The following PKD2 variants were observed in gnomAD, a reference collection of about 807,000 sequenced individuals.
The protein encoded by PKD2 is polycystin-2.
A neutral mutation model predicts 105.9 loss-of-function variants in PKD2; 48 were observed. That is an observed-to-expected ratio of 0.45 (90% CI 0.36 to 0.58). The LOEUF is 0.58. Among genes scored for constraint, PKD2 ranks in the 20% least tolerant of loss-of-function variants. PKD2 has a pLI of 0.00. For missense variants in PKD2, 1,078 were observed against 1,255.3 expected (o/e 0.86, Z 2.13); for synonymous variants, 464 against 481.1 (o/e 0.96, Z 0.46).
chr4:88,036,384 C>G, intron 3 of PKD2, 31 bp downstream of exon 3: 1 of 1,609,742 alleles, frequency 6.2e-7, no homozygotes, highest in Admixed American at 1.7e-5. Context: ...AAGTACCTCT[C>G]TATCACAGAA....
chr4:88,034,668 C>CAAAA (rs61534136), intron 2 of PKD2, among the ~76,000 whole-genome samples: 4 of 71,880 alleles, frequency 5.6e-5, no homozygotes, highest in African/African-American at 5.7e-5. Flanking sequence ...AACTCCGTCT[C>CAAAA]AAAAAAAAAA....
rs1307960365 is a variant in PKD2, at chr4:88,007,750, G to T, written c.17G>T (p.Arg6Leu). The T allele has an allele frequency of 1.7e-6, 2 of 1,203,906 alleles. No homozygotes were observed. Among genetic ancestry groups the T allele is most frequent in the South Asian group, 2.2e-5 (1 of 45,504 alleles). 74.6% of individuals were successfully genotyped at this position (1,203,906 alleles called of 1,614,324 possible). ...GTGACCGCGATGGTGAACTCCAGTCGCGTGCAGCCTCAGCAGCCCGGGGAC... is the reference window on the plus strand; with the variant it reads ...GTGACCGCGATGGTGAACTCCAGTCTCGTGCAGCCTCAGCAGCCCGGGGAC... MVNSSRVQPQQPGDAK... is the reference protein window; with the variant it reads MVNSSLVQPQQPGDAK... The change falls in exon 1 of 15, where the codon CGC becomes CTC. Residue 6 changes from arginine (R) to leucine (L), a missense_variant. Around this residue, in one of 2 missense-constraint regions of PKD2, gnomAD observed 210 missense variants for 187.9 expected, o/e 1.12. Coordinates refer to ENST00000237596, the MANE Select transcript of PKD2 (RefSeq NM_000297.4).
chr4:88,056,039 C>A, intron 7 of PKD2, 47 bp from the exon 8 acceptor site: 1 of 1,151,754 alleles, frequency 8.7e-7, no homozygotes, highest in Non-Finnish European at 1.3e-6. Flanking sequence ...TACAGTCACA[C>A]CATTTTGTTT....
chr4:88,032,383 G>T (rs957647187), intron 2 of PKD2, among the ~76,000 whole-genome samples: 1 of 152,158 alleles, frequency 6.6e-6, no homozygotes, highest in African/African-American at 2.4e-5. Context: ...ACCAGTATCG[G>T]CCAGGCACGA....
chr4:88,052,587 A>G (rs1720151614), intron 7 of PKD2, among the ~76,000 whole-genome samples: 1 of 152,190 alleles, frequency 6.6e-6, no homozygotes, highest in African/African-American at 2.4e-5. Context: ...TTACATATAA[A>G]GTAAACTATT....
intron 13 of PKD2, among the ~76,000 whole-genome samples, chr4:88,070,591 TATATATATATAG>T (rs1191082170): frequency 1.3e-3 from 140 of 104,154 alleles, no homozygotes; most frequent in East Asian, 1.0e-2. Context: ...TATATATATA[TATATATATATAG>T]AGAGAGAGAG....
At position 88,019,589 on chromosome 4, in the gene PKD2, T is replaced by G; in HGVS notation, c.709+18T>G. 7.8e-7 allele frequency: 1 copy of G among 1,274,448 alleles called. No homozygotes were observed. The highest frequency in any genetic ancestry group is 1.2e-5 in the South Asian group (1 of 84,252). 78.9% of individuals were successfully genotyped at this position (1,274,448 alleles called of 1,614,324 possible). The stretch of plus-strand genomic sequence containing the variant: ...GTGCATCTGTAAGTAGAATATTTCC[T>G]TGCACTAATGGGAAAGTTTTGAAAA... On this transcript the variant is annotated intron_variant, in intron 2 of 14. Transcript: ENST00000237596.
At chr4:88,012,649 T>A (rs1726423436) in intron 1 of PKD2, among the ~76,000 whole-genome samples, 1 of 151,700 alleles carries the variant, frequency 6.6e-6, no homozygotes, top group Non-Finnish European at 1.5e-5. Context: ...GTAAATGGAC[T>A]TAACACAATT....
At chr4:88,055,638 CTT>C (rs5860112) in intron 7 of PKD2, among the ~76,000 whole-genome samples, 7,172 of 140,702 alleles carry the variant, frequency 0.051, 609 homozygotes, top group African/African-American at 0.17. Context: ...TGCACTCAGC[CTT>C]TTTTTTTTTT....
At chr4:88,063,437 A>G (rs1230002032) in intron 10 of PKD2, among the ~76,000 whole-genome samples, 1 of 152,062 alleles carries the variant, frequency 6.6e-6, no homozygotes, top group African/African-American at 2.4e-5. Flanking sequence ...AGGCTGAGGC[A>G]GGAGAATCGC....
chr4:88,047,682 A>G (rs1484741436), intron 6 of PKD2, among the ~76,000 whole-genome samples: 1 of 152,148 alleles, frequency 6.6e-6, no homozygotes, highest in Non-Finnish European at 1.5e-5. Context: ...TATTCATCAA[A>G]GTTTTCTGTA....
In PKD2 at chr4:88,018,408, C is replaced by T. The variant is rs562863934; in HGVS notation, c.596-1050C>T. On this transcript the variant is annotated intron_variant, in intron 1 of 14. Coordinates refer to ENST00000237596, the MANE Select transcript of PKD2 (RefSeq NM_000297.4). ...ATTTCCCTATGTGGCTTGATTGTGG[C>T]GAAAGTGGCTGTGTGAGTTTCCATT... is the stretch of plus-strand genomic sequence containing the variant. Among the ~76,000 whole-genome samples the T allele has an allele frequency of 5.3e-5, 8 of 152,168 alleles. No individual in the cohort carries two copies. In the East Asian group the frequency reaches 5.8e-4, roughly 11 times the overall value.
intron 12 of PKD2, 120 bp from the exon 13 acceptor site, chr4:88,067,778 A>T: frequency 2.4e-6 from 2 of 841,112 alleles, no homozygotes; most frequent in Non-Finnish European, 3.9e-6. Flanking sequence ...GCCTGGTGTT[A>T]AATACAAAGA....
rs776794632 is a variant in PKD2, at chr4:88,067,886, C to G, written c.2359-12C>G. On this transcript the variant is annotated splice_polypyrimidine_tract_variant and intron_variant, in intron 12 of 14. Transcript: ENST00000237596. ...TGTTCTGCTCCTCACTCAGTGACCC[C>G]TTGTTCTTCAGGAGGACCTGGATTT... 1.1e-5 allele frequency: 18 copies of G among 1,612,996 alleles called. No individual in the cohort carries two copies. Among genetic ancestry groups the G allele is most frequent in the South Asian group, 2.2e-5 (2 of 91,064 alleles).
intron 1 of PKD2, among the ~76,000 whole-genome samples, chr4:88,010,505 C>A (rs1014972111): frequency 3.3e-5 from 5 of 152,272 alleles, no homozygotes; most frequent in Admixed American, 2.6e-4. Flanking sequence ...CCCCCTGCCC[C>A]CTTTGGATAC....
At chr4:88,025,313 C>T (rs1407356523) in intron 2 of PKD2, among the ~76,000 whole-genome samples, 1 of 151,916 alleles carries the variant, frequency 6.6e-6, no homozygotes, top group African/African-American at 2.4e-5. Flanking sequence ...TTAAAATTAG[C>T]CAGGCATGGT....
intron 13 of PKD2, among the ~76,000 whole-genome samples, chr4:88,073,034 C>CAAA (rs34782103): frequency 1.3e-5 from 1 of 79,950 alleles, no homozygotes; most frequent in Non-Finnish European, 2.4e-5. Context: ...GACTCTGTCT[C>CAAA]AAAAAAAAAA....
intron 3 of PKD2, among the ~76,000 whole-genome samples, chr4:88,037,212 G>A (rs571984514): frequency 2.6e-5 from 4 of 151,800 alleles, no homozygotes; most frequent in African/African-American, 9.7e-5. Flanking sequence ...TCCAGCTGGG[G>A]CAACAGAGTG....
intron 13 of PKD2, among the ~76,000 whole-genome samples, chr4:88,072,922 G>T (rs1280842648): frequency 6.6e-6 from 1 of 151,774 alleles, no homozygotes; most frequent in Non-Finnish European, 1.5e-5. Flanking sequence ...TGTAATCCCA[G>T]CTACTCGGGA....
Sources: allele counts gnomAD v4.1 joint callset (sites outside exome capture counted in the v4.1 genomes callset), GRCh38; gene constraint gnomAD v4.1.1; regional missense constraint gnomAD v4.1.1; transcripts MANE v1.5; gene names NCBI Gene and HGNC (gene_info 2026-07-23, HGNC 2026-07-21).